Variants in TAS2R1 observed in about 807,000 individuals in gnomAD.
The protein encoded by TAS2R1 is taste 2 receptor member 1, also known as taste receptor type 2 member 1.
For missense variants in TAS2R1, 370 were observed against 353.4 expected (o/e 1.05, Z -0.38); for synonymous variants, 141 against 134.2 (o/e 1.05, Z -0.35).
At chr5:9,839,691 G>A in the TAS2R1 span, among the ~76,000 whole-genome samples, 9 of 152,088 alleles carry the variant, frequency 5.9e-5, no homozygotes, top group African/African-American at 1.4e-4. Flanking sequence ...GGCATTGAGC[G>A]TTTTGCAAGG....
chr5:9,891,268 G>A, the TAS2R1 span, among the ~76,000 whole-genome samples: 44 of 152,128 alleles, frequency 2.9e-4, no homozygotes, highest in African/African-American at 7.7e-4. Context: ...TAAGCAGGAC[G>A]TTAAAGAGCT....
At chr5:9,683,932 A>G (rs1354667735) in intron 1 of TAS2R1, among the ~76,000 whole-genome samples, 1 of 152,148 alleles carries the variant, frequency 6.6e-6, no homozygotes, top group Admixed American at 6.5e-5. Context: ...TGTGTGGCAT[A>G]TATTTGTTAC....
chr5:9,772,110 T>A, the TAS2R1 span, among the ~76,000 whole-genome samples: 1 of 152,188 alleles, frequency 6.6e-6, no homozygotes, highest in South Asian at 2.1e-4. Flanking sequence ...TTATTCGAAG[T>A]TTTTCTTCTT....
At chr5:9,741,795 G>C in the TAS2R1 span, among the ~76,000 whole-genome samples, 1 of 152,058 alleles carries the variant, frequency 6.6e-6, no homozygotes, top group Non-Finnish European at 1.5e-5. Flanking sequence ...TCCCAGGGTC[G>C]TGCCTTCATT....
chr5:9,723,645 G>C, the TAS2R1 span, among the ~76,000 whole-genome samples: 1 of 152,206 alleles, frequency 6.6e-6, no homozygotes, highest in East Asian at 1.9e-4. Flanking sequence ...AGGGCACTTG[G>C]GTGCAGGGAT....
At chr5:9,666,170 T>A (rs1740628801) in intron 1 of TAS2R1, among the ~76,000 whole-genome samples, 1 of 152,158 alleles carries the variant, frequency 6.6e-6, no homozygotes, top group East Asian at 1.9e-4. Flanking sequence ...TTTAAAAGCT[T>A]TTGTTTTTAA....
chr5:9,841,678 G>A, the TAS2R1 span, among the ~76,000 whole-genome samples: 4 of 152,252 alleles, frequency 2.6e-5, no homozygotes, highest in South Asian at 8.3e-4. Flanking sequence ...GTTCTTGCTG[G>A]TGGTGCCAAC....
chr5:9,671,794 T>C (rs1015839462), intron 1 of TAS2R1, among the ~76,000 whole-genome samples: 3 of 152,064 alleles, frequency 2.0e-5, no homozygotes, highest in African/African-American at 7.2e-5. Context: ...AAAACTATTT[T>C]AAAATTCATA....
At chr5:9,692,403 G>A (rs969241298) in intron 1 of TAS2R1, among the ~76,000 whole-genome samples, 1 of 152,154 alleles carries the variant, frequency 6.6e-6, no homozygotes, top group Admixed American at 6.5e-5. Flanking sequence ...ATTTTATGGA[G>A]GTACACAGAC....
the TAS2R1 span, among the ~76,000 whole-genome samples, chr5:9,803,801 A>G: frequency 3.9e-5 from 6 of 152,206 alleles, no homozygotes; most frequent in African/African-American, 1.4e-4. Flanking sequence ...TAAAGCATAA[A>G]TCTCACAGGA....
intron 1 of TAS2R1, among the ~76,000 whole-genome samples, chr5:9,694,093 T>C (rs1741310173): frequency 6.6e-6 from 1 of 152,200 alleles, no homozygotes; most frequent in Non-Finnish European, 1.5e-5. Flanking sequence ...AACTGATTCT[T>C]AGTAATTCAC....
the TAS2R1 span, among the ~76,000 whole-genome samples, chr5:9,866,619 T>G: frequency 6.6e-6 from 1 of 152,206 alleles, no homozygotes; most frequent in Non-Finnish European, 1.5e-5. Flanking sequence ...TCACCCTTAC[T>G]CATAGGATAT....
At chr5:9,846,757 T>C in the TAS2R1 span, among the ~76,000 whole-genome samples, 1 of 152,110 alleles carries the variant, frequency 6.6e-6, no homozygotes, top group African/African-American at 2.4e-5. Context: ...TCTTGAAGGC[T>C]CAGAAGTTCA....
chr5:9,760,154 G>A, the TAS2R1 span, among the ~76,000 whole-genome samples: 80 of 152,264 alleles, frequency 5.3e-4, no homozygotes, highest in Non-Finnish European at 9.3e-4. Context: ...ATTCATATGA[G>A]AAGTAATTTG....
chr5:9,743,054 A>T, the TAS2R1 span, among the ~76,000 whole-genome samples: 2 of 146,724 alleles, frequency 1.4e-5, no homozygotes, highest in South Asian at 2.2e-4. Flanking sequence ...GATTCATGGA[A>T]AGCAATAGGT....
At chr5:9,896,732 T>G in the TAS2R1 span, among the ~76,000 whole-genome samples, 2 of 152,356 alleles carry the variant, frequency 1.3e-5, no homozygotes, top group East Asian at 1.9e-4. Context: ...TAACACTTCA[T>G]GCCTATATTC....
chr5:9,867,796 C>T, the TAS2R1 span, among the ~76,000 whole-genome samples: 1 of 152,176 alleles, frequency 6.6e-6, no homozygotes, highest in African/African-American at 2.4e-5. Flanking sequence ...CAACTATGAG[C>T]CTGTAAAATC....
chr5:9,817,406 T>C, the TAS2R1 span, among the ~76,000 whole-genome samples: 10 of 152,254 alleles, frequency 6.6e-5, no homozygotes, highest in African/African-American at 1.4e-4. Flanking sequence ...TCAACAATTA[T>C]GCACTTTTTG....
chr5:9,674,913 A>G (rs1217054480), intron 1 of TAS2R1, among the ~76,000 whole-genome samples: 1 of 152,056 alleles, frequency 6.6e-6, no homozygotes, highest in East Asian at 1.9e-4. Flanking sequence ...AGGAAAAATA[A>G]AACTGTAGCT....
Sources: allele counts gnomAD v4.1 joint callset (sites outside exome capture counted in the v4.1 genomes callset), GRCh38; gene constraint gnomAD v4.1.1; transcripts MANE v1.5; gene names NCBI Gene and HGNC (gene_info 2026-07-23, HGNC 2026-07-21).